ADAMTS13: variants seen among roughly 807,000 people sequenced by gnomAD.
ADAMTS13 encodes A disintegrin and metalloproteinase with thrombospondin motifs 13.
Under a neutral mutation model 155.1 loss-of-function variants are expected in ADAMTS13, and 110 were observed. The observed-to-expected ratio is 0.71, with a 90% CI of 0.61 to 0.83. The LOEUF (loss-of-function observed/expected upper bound fraction) is 0.83, where lower values mean the gene tolerates loss of function less well. ADAMTS13 is among the 40% of genes least tolerant of loss of function. ADAMTS13 has a pLI of 0.00. For missense variants in ADAMTS13, 1,707 were observed against 1,891.7 expected (o/e 0.90, Z 1.81); for synonymous variants, 758 against 756.4 (o/e 1.00, Z -0.03).
rs1283353750 is a variant in ADAMTS13, at chr9:133,445,629, AGATCGAGACGGG to A, written c.2611-64_2611-53del. 27 of 1,610,278 alleles carry A rather than the reference AGATCGAGACGGG, an allele frequency of 1.7e-5. No homozygotes were observed. The African/African-American group carries it at 3.5e-4, about 21-fold the overall frequency. ...CTGGTCTCTCTGCTGCTGCCTGAGA[AGATCGAGACGGG>A]GATCGCTGGGTCCTCAGAGGAGGCC... On this transcript the variant is annotated intron_variant, in intron 20 of 28. Coordinates refer to ENST00000355699, the MANE Select transcript of ADAMTS13 (RefSeq NM_139027.6). The surrounding 1 kb of genome is among the most constrained non-coding windows in gnomAD (Gnocchi z 5.0).
intron 24 of ADAMTS13, among the ~76,000 whole-genome samples, chr9:133,454,908 C>T (rs1390383770): frequency 2.0e-5 from 3 of 152,140 alleles, no homozygotes. Flanking sequence ...ACGCACCTGG[C>T]AAGGCAGGAC....
exon 1 of ADAMTS13, chr9:133,414,461 G>A (rs1554780988): frequency 4.3e-6 from 3 of 702,668 alleles, no homozygotes; most frequent in Non-Finnish European, 7.7e-6. Flanking sequence ...GCTGAGCTCT[G>A]CTCAACGCTC....
rs1240555177 is a variant in ADAMTS13 at position 133,424,661 on chromosome 9, G to A, written c.330+183G>A. On this transcript the variant is annotated intron_variant, in intron 3 of 28. Coordinates refer to ENST00000355699, the MANE Select transcript of ADAMTS13 (RefSeq NM_139027.6). This position sits in a 1 kb window ranked among gnomAD's most constrained non-coding sequence, Gnocchi z 4.3. ...GGGTGAGGTCCCACACCCTCTCTAG[G>A]CTCCATGGCACATGCACACCCTGCA... 6.6e-6 allele frequency among the ~76,000 whole-genome samples: 1 copy of A among 152,004 alleles called. No individual in the cohort carries two copies. Among genetic ancestry groups the A allele is most frequent in the Non-Finnish European group, 1.5e-5 (1 of 67,998 alleles).
In ADAMTS13 at chr9:133,454,549, G is replaced by A. The variant is rs587731517; in HGVS notation, c.3179G>A (p.Arg1060Gln). Residue 1060 changes from arginine to glutamine, a missense_variant, in exon 24 of 29, where the codon CGG becomes CAG. Physicochemically the swap from Arg to Gln is conservative, Grantham distance 43. Around this residue, in one of 3 missense-constraint regions of ADAMTS13, gnomAD observed 961 missense variants for 1,107.9 expected, o/e 0.87. Coordinates refer to ENST00000355699, the MANE Select transcript of ADAMTS13 (RefSeq NM_139027.6). Reference sequence around the variant, plus strand: ...GAGGCGGCCTGTGCGGCGCTGGTGCGGCCCGAGGCCAGTGTCCCCTGTCTC... The same window carrying A: ...GAGGCGGCCTGTGCGGCGCTGGTGCAGCCCGAGGCCAGTGTCCCCTGTCTC... ...VDEAACAALVRPEASVPCLIA... is the reference protein window; with the variant it reads ...VDEAACAALVQPEASVPCLIA... The A allele has an allele frequency of 8.1e-5, 131 of 1,608,790 alleles. No individual in the cohort carries two copies. Among genetic ancestry groups the A allele is most frequent in the Admixed American group, 3.3e-4 (20 of 60,000 alleles).
intron 25 of ADAMTS13, chr9:133,455,672 G>A: frequency 2.5e-6 from 4 of 1,568,706 alleles, no homozygotes; most frequent in Non-Finnish European, 3.5e-6. Flanking sequence ...TCTTCCTCTG[G>A]GAAGGACTGG....
chr9:133,448,011 G>C (rs1554793111), intron 21 of ADAMTS13, among the ~76,000 whole-genome samples: 1 of 143,468 alleles, frequency 7.0e-6, no homozygotes, highest in African/African-American at 2.6e-5. Flanking sequence ...TTTTTTTTGA[G>C]ATGGAGTCTC....
upstream of ADAMTS13, among the ~76,000 whole-genome samples, chr9:133,418,610 CA>C (rs1362299696): frequency 6.6e-6 from 1 of 152,194 alleles, no homozygotes; most frequent in Non-Finnish European, 1.5e-5. Context: ...TAAGGGCTTA[CA>C]ACCCTAAGGG....
intron 7 of ADAMTS13, among the ~76,000 whole-genome samples, chr9:133,429,422 A>G (rs1264594263): frequency 9.0e-6 from 1 of 111,642 alleles, no homozygotes; most frequent in Non-Finnish European, 1.8e-5. Context: ...CCACTTGCCT[A>G]CACCCACCCC....
chr9:133,436,806 C>A (rs1470768756), intron 11 of ADAMTS13, 23 bp from the exon 12 acceptor site: 6 of 1,330,898 alleles, frequency 4.5e-6, no homozygotes, highest in Admixed American at 2.1e-5. Context: ...CGCCATCCCC[C>A]TCCTCTGCCT....
chr9:133,432,738 G>A (rs782798795), intron 9 of ADAMTS13, 46 bp downstream of exon 9: 45 of 1,532,110 alleles, frequency 2.9e-5, no homozygotes, highest in Admixed American at 5.9e-5. Flanking sequence ...GCACGTGCAC[G>A]TGGGTGCCTC....
rs1191984050 is a variant in ADAMTS13 at position 133,459,095 on chromosome 9, G to A, written c.4031G>A (p.Ser1344Asn). 1 of 1,612,884 alleles carries A rather than the reference G, an allele frequency of 6.2e-7. No homozygotes were observed. Among genetic ancestry groups the A allele is most frequent in the East Asian group, 2.2e-5 (1 of 44,870 alleles). ...GAGGGCTTCCTGAAGGCTCAGGCCA[G>A]CCTGCGGGGCCAGTACTGGACCCTC... Reference protein sequence around the residue: ...FSEGFLKAQASLRGQYWTLQS... With the variant: ...FSEGFLKAQANLRGQYWTLQS... The change falls in exon 29 of 29, where the codon AGC becomes AAC. Residue 1344 changes from serine to asparagine, a missense_variant. Ser to Asn is a conservative substitution (Grantham distance 46). Coordinates refer to ENST00000355699, the MANE Select transcript of ADAMTS13 (RefSeq NM_139027.6).
At chr9:133,430,715 CAG>C in intron 8 of ADAMTS13, among the ~76,000 whole-genome samples, 1 of 135,132 alleles carries the variant, frequency 7.4e-6, no homozygotes, top group Non-Finnish European at 1.5e-5. Flanking sequence ...TTTTTTGAGA[CAG>C]AGTCTCCCTC....
Position 133,425,518 on chromosome 9 carries a change from C to T in ADAMTS13, c.331-11C>T, listed in dbSNP as rs372281376. On this transcript the variant is annotated splice_polypyrimidine_tract_variant and intron_variant, in intron 3 of 28. Coordinates refer to ENST00000355699, the MANE Select transcript of ADAMTS13 (RefSeq NM_139027.6). The surrounding 1 kb of genome is among the most constrained non-coding windows in gnomAD (Gnocchi z 4.6). ...CCCGACGGGTTACCTCTCTCATCTG[C>T]CCTTGCACAGGGGGCAGAACTGCTT... 140 of 1,611,438 alleles carry T rather than the reference C, an allele frequency of 8.7e-5. No individual in the cohort carries two copies. The highest frequency in any genetic ancestry group is 1.1e-4 in the Non-Finnish European group (126 of 1,179,212).
At chr9:133,423,004 G>C in intron 1 of ADAMTS13, 97 bp from the exon 2 acceptor site, 1 of 935,044 alleles carries the variant, frequency 1.1e-6, no homozygotes, top group African/African-American at 1.7e-5. Context: ...TCAAACTCCT[G>C]GACTCAAGTG....
Position 133,445,564 on chromosome 9 carries a change from G to C in ADAMTS13, c.2611-135G>C. 1 of 1,393,640 alleles carries C rather than the reference G, an allele frequency of 7.2e-7. No individual in the cohort carries two copies. The highest frequency in any genetic ancestry group is 2.4e-5 in the East Asian group (1 of 41,728). The allele number at this position is 1,393,640 out of a possible 1,614,324, so 86.3% of individuals were successfully genotyped here. On this transcript the variant is annotated intron_variant, in intron 20 of 28. Coordinates refer to ENST00000355699, the MANE Select transcript of ADAMTS13 (RefSeq NM_139027.6). The surrounding 1 kb of genome is among the most constrained non-coding windows in gnomAD (Gnocchi z 5.0). ...AGACCGGGGAGCCGATCTCGCCAAG[G>C]GAGGAGGGGAGGGAGCCCCTGGTGC...
rs1486626692 is a variant in ADAMTS13 at position 133,442,478 on chromosome 9, G to A, written c.2048G>A (p.Arg683Gln). 9.3e-6 allele frequency: 15 copies of A among 1,613,732 alleles called. No individual in the cohort carries two copies. The highest frequency in any genetic ancestry group is 1.7e-5 in the Admixed American group (1 of 60,024). The change falls in exon 17 of 29, where the codon CGG becomes CAG. Residue 683 changes from arginine (R) to glutamine (Q), a missense_variant. Arg to Gln is a conservative substitution (Grantham distance 43). Coordinates refer to ENST00000355699, the MANE Select transcript of ADAMTS13 (RefSeq NM_139027.6). ...ITFTYFQPKP[R>Q]QAWVWAAVRG... ...TTCACCTACTTCCAGCCTAAGCCAC[G>A]GCAGGCCTGGGTGTGGGCCGCTGTG...
intron 17 of ADAMTS13, 32 bp from the exon 18 acceptor site, chr9:133,442,582 G>A (rs1841754587): frequency 6.2e-7 from 1 of 1,613,254 alleles, no homozygotes; most frequent in Admixed American, 1.7e-5. Flanking sequence ...CCCCTGCAGG[G>A]AGGCGGCCTA....
intron 1 of ADAMTS13, chr9:133,415,703 G>C (rs1270824054): frequency 6.6e-6 from 1 of 152,148 alleles, no homozygotes; most frequent in Non-Finnish European, 1.5e-5. Context: ...TGACTTTCTT[G>C]GATGAATTAG....
At chr9:133,449,223 G>A (rs889522999) in intron 22 of ADAMTS13, among the ~76,000 whole-genome samples, 5 of 152,286 alleles carry the variant, frequency 3.3e-5, no homozygotes, top group South Asian at 2.1e-4. Context: ...TTGCTGGTGC[G>A]TTTCTTCATC....
Sources: allele counts gnomAD v4.1 joint callset (sites outside exome capture counted in the v4.1 genomes callset), GRCh38; gene constraint gnomAD v4.1.1; regional missense constraint gnomAD v4.1.1; non-coding constraint Gnocchi (gnomAD v3.1); transcripts MANE v1.5; gene names NCBI Gene and HGNC (gene_info 2026-07-23, HGNC 2026-07-21).